Variants in ITPR2 observed in about 807,000 individuals in gnomAD.
The protein encoded by ITPR2 is inositol 1,4,5-trisphosphate receptor type 2.
Under a neutral mutation model 317.1 loss-of-function variants are expected in ITPR2, and 207 were observed. The ratio of observed to expected loss-of-function variants is 0.65; its 90% CI spans 0.58 to 0.73. The LOEUF is 0.73. Among genes scored for constraint, ITPR2 ranks in the 30% least tolerant of loss-of-function variants. The pLI is 0.00. For synonymous variants in ITPR2, 1,156 were observed against 1,149.1 expected, an observed-to-expected ratio of 1.01 and a Z score of -0.12; for missense variants, 2,613 against 3,284.0, an observed-to-expected ratio of 0.80 and a Z score of 4.99.
At chr12:26,452,376 A>AT (rs1382040786) in intron 45 of ITPR2, among the ~76,000 whole-genome samples, 1 of 34,380 alleles carries the variant, frequency 2.9e-5, no homozygotes, top group African/African-American at 1.0e-4. Context: ...TACTGAACAC[A>AT]TTTTCAAAAA....
chr12:26,665,443 G>T (rs1262039179), intron 14 of ITPR2, among the ~76,000 whole-genome samples: 1 of 152,132 alleles, frequency 6.6e-6, no homozygotes, highest in Non-Finnish European at 1.5e-5. Flanking sequence ...CTTAACTACG[G>T]GTTAGATTTA....
intron 2 of ITPR2, among the ~76,000 whole-genome samples, chr12:26,788,632 T>C (rs559446871): frequency 1.3e-5 from 2 of 152,168 alleles, no homozygotes; most frequent in South Asian, 4.1e-4. Context: ...CTCACCCACA[T>C]TCCTCCACAT....
chr12:26,457,665 G>A (rs1941924891), intron 45 of ITPR2, among the ~76,000 whole-genome samples: 1 of 152,138 alleles, frequency 6.6e-6, no homozygotes, highest in Non-Finnish European at 1.5e-5. Flanking sequence ...AACATACGGT[G>A]CAATGAAGAG....
At chr12:26,484,233 T>C (rs1299211022) in intron 41 of ITPR2, among the ~76,000 whole-genome samples, 2 of 150,472 alleles carry the variant, frequency 1.3e-5, no homozygotes, top group African/African-American at 2.4e-5. Flanking sequence ...ATCATCAAAC[T>C]ACACAGAGAG....
chr12:26,342,298 TA>T (rs943246869), intron 55 of ITPR2, among the ~76,000 whole-genome samples: 19 of 152,142 alleles, frequency 1.2e-4, no homozygotes, highest in African/African-American at 4.1e-4. Flanking sequence ...TTTAAGCACT[TA>T]TTCCTTTCAA....
chr12:26,659,196 G>A lies in ITPR2; in HGVS notation c.1803C>T (p.Asn601=), dbSNP rs1947440963. 2 of 1,612,740 alleles carry A rather than the reference G, an allele frequency of 1.2e-6. No individual in the cohort carries two copies. Among genetic ancestry groups the A allele is most frequent in the South Asian group, 1.1e-5 (1 of 91,036 alleles). The change falls in exon 16 of 57, where the codon AAC becomes AAT. Residue 601 remains asparagine (N), a synonymous_variant. Coordinates refer to ENST00000381340, the MANE Select transcript of ITPR2 (RefSeq NM_002223.4). ...AEDTITALLH[N]NRKLLEKHIT... is the part of the protein sequence containing the mutation. ...TATGTTTCTCTAGTAGTTTTCTGTT[G>A]TTGTGCAACAAAGCTGTGATAGTAT...
At chr12:26,573,043 G>C (rs1172880390) in intron 34 of ITPR2, among the ~76,000 whole-genome samples, 1 of 149,284 alleles carries the variant, frequency 6.7e-6, no homozygotes, top group African/African-American at 2.5e-5. Flanking sequence ...ATTTATTTTA[G>C]AAACAGGGTC....
intron 37 of ITPR2, among the ~76,000 whole-genome samples, chr12:26,535,753 T>C (rs1317188115): frequency 2.0e-5 from 3 of 152,254 alleles, no homozygotes; most frequent in Non-Finnish European, 4.4e-5. Context: ...AGACATTATA[T>C]GGCTTCCACT....
At chr12:26,693,798 T>G (rs1032235488) in intron 10 of ITPR2, among the ~76,000 whole-genome samples, 2 of 152,232 alleles carry the variant, frequency 1.3e-5, no homozygotes, top group African/African-American at 4.8e-5. Context: ...GAGATTTAAT[T>G]AATTTGTACA....
chr12:26,711,162 A>G lies in ITPR2; in HGVS notation c.951+11T>C. On this transcript the variant is annotated intron_variant, in intron 9 of 56. Coordinates refer to ENST00000381340, the MANE Select transcript of ITPR2 (RefSeq NM_002223.4). ...TCAGAAACTTAATACCACTTTATCC[A>G]TTAGTCTTACCTCTGCAGCTAAATA... The G allele has an allele frequency of 6.3e-7, 1 of 1,586,902 alleles. No individual in the cohort carries two copies. Among genetic ancestry groups the G allele is most frequent in the Non-Finnish European group, 8.7e-7 (1 of 1,155,346 alleles).
intron 55 of ITPR2, among the ~76,000 whole-genome samples, chr12:26,358,218 C>G (rs1438808915): frequency 2.5e-4 from 1 of 3,946 alleles, no homozygotes; most frequent in African/African-American, 2.7e-4. Context: ...AACCCCGTCT[C>G]TACTAAAAAT....
intron 3 of ITPR2, among the ~76,000 whole-genome samples, chr12:26,725,405 TG>T (rs1295597205): frequency 6.6e-6 from 1 of 152,206 alleles, no homozygotes; most frequent in African/African-American, 2.4e-5. Flanking sequence ...TTCATTTTGA[TG>T]GGAAGCTTTG....
intron 45 of ITPR2, among the ~76,000 whole-genome samples, chr12:26,464,707 G>C (rs1329156946): frequency 2.6e-5 from 4 of 152,226 alleles, no homozygotes; most frequent in African/African-American, 9.7e-5. Context: ...CCTTTATGAA[G>C]TTTGGAGTCT....
rs186054937 is a variant in ITPR2, at chr12:26,437,804, G to A, written c.6643+1323C>T. Among the ~76,000 whole-genome samples the A allele has an allele frequency of 5.4e-3, 819 of 152,124 alleles. 7 individuals carry two copies. Among genetic ancestry groups the A allele is most frequent in the African/African-American group, 0.016 (679 of 41,526 alleles). On this transcript the variant is annotated intron_variant, in intron 47 of 56. Transcript: ENST00000381340. ...GTTTTTTTGTTTTGTTTTGGTTTTT[G>A]TTTGTTTGTTTTATTGAGATGGTGT...
chr12:26,344,889 C>T (rs968992048), intron 55 of ITPR2, among the ~76,000 whole-genome samples: 3 of 152,138 alleles, frequency 2.0e-5, no homozygotes, highest in East Asian at 1.9e-4. Context: ...CTTTTCTCTT[C>T]GTTCCTAAAT....
In ITPR2 at chr12:26,528,202, T is replaced by A. The variant is rs561620928; in HGVS notation, c.5073+22045A>T. ...TCCAGTTATGAACCTGACATTCTGA[T>A]CTCAACCTGAAAGATTCCTATGACT... On this transcript the variant is annotated intron_variant, in intron 37 of 56. Transcript: ENST00000381340. Among the ~76,000 whole-genome samples the A allele has an allele frequency of 1.3e-4, 20 of 152,312 alleles. 1 individual carries two copies. In the South Asian group the frequency reaches 3.9e-3, roughly 30 times the overall value.
chr12:26,771,963 T>C (rs1343093664), intron 2 of ITPR2, among the ~76,000 whole-genome samples: 1 of 152,136 alleles, frequency 6.6e-6, no homozygotes, highest in Non-Finnish European at 1.5e-5. Flanking sequence ...GAACATTACC[T>C]GACATATAGT....
At chr12:26,797,816 C>T (rs932460344) in intron 1 of ITPR2, among the ~76,000 whole-genome samples, 2 of 150,730 alleles carry the variant, frequency 1.3e-5, no homozygotes, top group South Asian at 2.1e-4. Context: ...CTCAGCCTCC[C>T]GAGTAGCTGG....
At chr12:26,408,944 T>C (rs1050087225) in intron 52 of ITPR2, among the ~76,000 whole-genome samples, 7 of 152,094 alleles carry the variant, frequency 4.6e-5, no homozygotes, top group Admixed American at 4.6e-4. Flanking sequence ...AAAAGAGAAA[T>C]AAATACTGAT....
Sources: allele counts gnomAD v4.1 joint callset (sites outside exome capture counted in the v4.1 genomes callset), GRCh38; gene constraint gnomAD v4.1.1; transcripts MANE v1.5; gene names NCBI Gene and HGNC (gene_info 2026-07-23, HGNC 2026-07-21).